Variants in NCAN observed in about 807,000 individuals in gnomAD.
NCAN encodes the protein neurocan core protein.
In NCAN, 47 loss-of-function variants were observed where a neutral mutation model predicts 121.8. The observed-to-expected ratio is 0.39, with a 90% CI of 0.31 to 0.49. The LOEUF (loss-of-function observed/expected upper bound fraction) is 0.49. Ranked by LOEUF, NCAN falls within the 20% of genes least tolerant of loss-of-function variation. NCAN has a pLI of 0.92. For missense variants in NCAN, 1,517 were observed against 1,773.4 expected, an observed-to-expected ratio of 0.86 and a Z score of 2.60; for synonymous variants, 633 against 702.0, an observed-to-expected ratio of 0.90 and a Z score of 1.55.
intron 13 of NCAN, among the ~76,000 whole-genome samples, chr19:19,247,485 C>G (rs2060928737): frequency 6.6e-6 from 1 of 152,202 alleles, no homozygotes; most frequent in Non-Finnish European, 1.5e-5. Context: ...GATCTCCTGA[C>G]CTTGTGATCC....
chr19:19,234,230 G>T (rs2146548795), intron 9 of NCAN, among the ~76,000 whole-genome samples: 1 of 152,214 alleles, frequency 6.6e-6, no homozygotes, highest in East Asian at 1.9e-4. Context: ...TCGGTGGGAG[G>T]TATAAGCACT....
At chr19:19,243,542 A>G (rs1299082796) in intron 12 of NCAN, among the ~76,000 whole-genome samples, 2 of 151,074 alleles carry the variant, frequency 1.3e-5, no homozygotes, top group Admixed American at 1.3e-4. Context: ...AAAGAAAAAG[A>G]AAAAGTTCTG....
intron 5 of NCAN, 73 bp downstream of exon 5, chr19:19,224,506 C>A (rs1368963011): frequency 2.6e-6 from 4 of 1,543,746 alleles, no homozygotes; most frequent in South Asian, 1.2e-5. Flanking sequence ...CAACTCCCAT[C>A]CTCCGGGGTC....
At chr19:19,242,389 A>G (rs2060906363) in intron 12 of NCAN, among the ~76,000 whole-genome samples, 1 of 151,450 alleles carries the variant, frequency 6.6e-6, no homozygotes, top group Non-Finnish European at 1.5e-5. Flanking sequence ...ACCCTGTCTC[A>G]AACAAAACAA....
chr19:19,216,895 TG>T, intron 1 of NCAN, 51 bp from the exon 2 acceptor site: 1 of 1,103,870 alleles, frequency 9.1e-7, no homozygotes, highest in Non-Finnish European at 1.2e-6. Context: ...GCTGAATATC[TG>T]GGAGGGTTGG....
Position 19,224,092 on chromosome 19 carries a change from C to A in NCAN, c.547C>A (p.Arg183Ser), listed in dbSNP as rs1373325205. ...CTTCGCTGAGGCCCAGGAGGCCTGC[C>A]GTCTCAGCTCAGCCATCATTGCAGC... ...LTFAEAQEAC[R>S]LSSAIIAAPR... is the part of the protein sequence containing the mutation. Residue 183 changes from arginine to serine, a missense_variant, in exon 4 of 15, where the codon CGT becomes AGT. Arg to Ser is a moderately radical substitution (Grantham distance 110). Transcript: ENST00000252575. The A allele has an allele frequency of 6.2e-7, 1 of 1,606,408 alleles. No homozygotes were observed. The highest frequency in any genetic ancestry group is 1.7e-5 in the Admixed American group (1 of 59,712).
At chr19:19,220,738 A>G (rs111280672) in intron 3 of NCAN, among the ~76,000 whole-genome samples, 22,642 of 152,020 alleles carry the variant, frequency 0.15, 2,549 homozygotes, top group African/African-American at 0.3. Context: ...ATTACCAGGC[A>G]TGAGCCACCG....
chr19:19,249,895 A>G lies in NCAN; in HGVS notation c.3950A>G (p.Glu1317Gly). The change falls in exon 15 of 15, where the codon GAA becomes GGA. Residue 1317 changes from glutamate (E) to glycine (G), a missense_variant. Glu to Gly is a moderately conservative substitution (Grantham distance 98, BLOSUM62 -2). Transcript: ENST00000252575. ...CCAACGGAGGACTGGGAGAAGGACG[A>G]AGGGAATTTCTGCTGAAGAACCAGA... is the stretch of plus-strand genomic sequence containing the variant. ...KHPTEDWEKD[E>G]GNFC The G allele has an allele frequency of 1.9e-6, 3 of 1,613,924 alleles. No homozygotes were observed. The South Asian group carries it at 3.3e-5, about 18-fold the overall frequency.
rs868029400 is a variant in NCAN at position 19,225,115 on chromosome 19, C to T, written c.917C>T (p.Pro306Leu). The T allele has an allele frequency of 6.5e-7, 1 of 1,532,576 alleles. No homozygotes were observed. The highest frequency in any genetic ancestry group is 8.7e-7 in the Non-Finnish European group (1 of 1,148,402). 94.9% of individuals were successfully genotyped at this position (1,532,576 alleles called of 1,614,324 possible). Reference protein sequence around the residue: ...AWHEGLDQCDPGWLADGSVRY... With the variant: ...AWHEGLDQCDLGWLADGSVRY... The stretch of plus-strand genomic sequence containing the variant: ...CATGAGGGCCTGGACCAGTGCGACC[C>T]GGGCTGGCTGGCCGACGGCAGCGTG... Residue 306 changes from proline (P) to leucine (L), a missense_variant, in exon 6 of 15, where the codon CCG becomes CTG. Transcript: ENST00000252575. The surrounding 1 kb of genome is among the most constrained non-coding windows in gnomAD (Gnocchi z 4.0).
Position 19,226,640 on chromosome 19 carries a change from G to A in NCAN, c.1227G>A (p.Val409=), listed in dbSNP as rs760131661. ...VVTPDFQEPL[V]SSGEEETLIL... Reference sequence around the variant, plus strand: ...CCCCTGACTTCCAGGAGCCTCTGGTGTCCAGTGGGGAAGAAGAAACCCTGA... The same window carrying A: ...CCCCTGACTTCCAGGAGCCTCTGGTATCCAGTGGGGAAGAAGAAACCCTGA... The change falls in exon 7 of 15, where the codon GTG becomes GTA. Residue 409 remains valine, a synonymous_variant. Coordinates refer to ENST00000252575, the MANE Select transcript of NCAN (RefSeq NM_004386.3). 3.1e-6 allele frequency: 5 copies of A among 1,613,794 alleles called. No homozygotes were observed. The highest frequency in any genetic ancestry group is 4.2e-6 in the Non-Finnish European group (5 of 1,179,986).
intron 12 of NCAN, among the ~76,000 whole-genome samples, chr19:19,244,500 G>A (rs1345860668): frequency 1.3e-5 from 2 of 151,568 alleles, no homozygotes; most frequent in Admixed American, 1.3e-4. Context: ...TGAGAGACAG[G>A]GTTTCACCTT....
rs555540865 is a variant in NCAN, at chr19:19,250,259, T to C, written c.*348T>C. On this transcript the variant is annotated 3_prime_UTR_variant, in exon 15 of 15. Transcript: ENST00000252575. ...TTGATGAGGGTGCATGAGTGTATGT[T>C]TGCATTCACATGAAGGAATTGCTTT... 4.9e-4 allele frequency: 219 copies of C among 449,518 alleles called. No homozygotes were observed. Among genetic ancestry groups the C allele is most frequent in the Non-Finnish European group, 6.6e-4 (154 of 234,322 alleles). 27.8% of individuals were successfully genotyped at this position (449,518 alleles called of 1,614,324 possible). A position where few individuals can be genotyped will look rare whatever the true frequency, so the allele number is the denominator to read the frequency against.
At position 19,227,396 on chromosome 19, in the gene NCAN, C is replaced by G; in HGVS notation, c.1776C>G (p.Gly592=). The change falls in exon 8 of 15, where the codon GGC becomes GGG. Residue 592 remains glycine, a synonymous_variant. Transcript: ENST00000252575. This position sits in a 1 kb window ranked among gnomAD's most constrained non-coding sequence, Gnocchi z 4.2. ...APVLELEKAE[G]PSARPATPDL... ...TCCTGGAGCTAGAGAAAGCCGAGGGCCCCAGTGCCAGGCCAGCCACCCCAG... is the reference window on the plus strand; with the variant it reads ...TCCTGGAGCTAGAGAAAGCCGAGGGGCCCAGTGCCAGGCCAGCCACCCCAG... The G allele has an allele frequency of 6.2e-7, 1 of 1,613,640 alleles. No individual in the cohort carries two copies. The highest frequency in any genetic ancestry group is 8.5e-7 in the Non-Finnish European group (1 of 1,179,950).
At position 19,228,311 on chromosome 19, in the gene NCAN, C is replaced by T; in HGVS notation, c.2691C>T (p.Pro897=). The change falls in exon 8 of 15, where the codon CCC becomes CCT. Residue 897 remains proline, a synonymous_variant. Coordinates refer to ENST00000252575, the MANE Select transcript of NCAN (RefSeq NM_004386.3). The part of the protein sequence containing the change: ...MSTLGSSSSQ[P]HPEPEDQVET... ...CACTGGGCTCCTCAAGCTCCCAACC[C>T]CACCCAGAGCCAGAGGATCAGGTGG... 2 of 1,613,988 alleles carry T rather than the reference C, an allele frequency of 1.2e-6. No individual in the cohort carries two copies. Among genetic ancestry groups the T allele is most frequent in the South Asian group, 2.2e-5 (2 of 91,084 alleles).
chr19:19,215,214 A>T (rs1463428726), intron 1 of NCAN, among the ~76,000 whole-genome samples: 1 of 152,202 alleles, frequency 6.6e-6, no homozygotes, highest in Non-Finnish European at 1.5e-5. Context: ...GACAGCTGTC[A>T]CATACAGCCT....
intron 14 of NCAN, 163 bp downstream of exon 14, chr19:19,249,045 TTGTGTGTGTG>T (rs112544518): frequency 0.046 from 24,952 of 547,370 alleles, 1,215 homozygotes; most frequent in African/African-American, 0.22. Context: ...TTTCCTTCAT[TTGTGTGTGTG>T]TGTGTGTGTG....
chr19:19,249,423 C>T (rs1408504012), intron 14 of NCAN, among the ~76,000 whole-genome samples: 15 of 151,802 alleles, frequency 9.9e-5, no homozygotes, highest in Non-Finnish European at 2.1e-4. Flanking sequence ...GGCTGGAGTG[C>T]GAGGCTCAAT....
intron 6 of NCAN, 23 bp from the exon 7 acceptor site, chr19:19,226,463 A>G (rs777922056): frequency 1.6e-5 from 24 of 1,533,034 alleles, no homozygotes; most frequent in Admixed American, 6.2e-5. Context: ...GCCTAACACA[A>G]CCTCTTCTGC....
At position 19,251,215 on chromosome 19, in the gene NCAN, C is replaced by T. The variant is rs573876063; in HGVS notation, c.*1304C>T. On this transcript the variant is annotated 3_prime_UTR_variant, in exon 15 of 15. Coordinates refer to ENST00000252575, the MANE Select transcript of NCAN (RefSeq NM_004386.3). ...TAAAAAAGCACCGTGGAGAATGGCC[C>T]TCTTCAGGAAAGAAAAATAAGCAAA... The T allele has an allele frequency of 2.1e-4, 32 of 152,274 alleles. No individual in the cohort carries two copies. The highest frequency in any genetic ancestry group is 7.2e-4 in the African/African-American group (30 of 41,544). The allele number at this position is 152,274 out of a possible 1,614,324, so 9.4% of individuals were successfully genotyped here. A position where few individuals can be genotyped will look rare whatever the true frequency, so the allele number is the denominator to read the frequency against.
Sources: allele counts gnomAD v4.1 joint callset (sites outside exome capture counted in the v4.1 genomes callset), GRCh38; gene constraint gnomAD v4.1.1; non-coding constraint Gnocchi (gnomAD v3.1); transcripts MANE v1.5; gene names NCBI Gene and HGNC (gene_info 2026-07-23, HGNC 2026-07-21).